The following AFF3 variants were observed in gnomAD, a reference collection of about 807,000 sequenced individuals.
The protein encoded by AFF3 is AF4/FMR2 family member 3.
A neutral mutation model predicts 129.7 loss-of-function variants in AFF3; 32 were observed. The ratio of observed to expected loss-of-function variants is 0.25; its 90% confidence interval spans 0.19 to 0.33. AFF3 has a LOEUF of 0.33. Ranked by LOEUF, AFF3 falls within the 10% of genes least tolerant of loss-of-function variation. The pLI, the probability that AFF3 is intolerant of heterozygous loss-of-function variation, is 1.00. For missense variants in AFF3, 1,373 were observed against 1,592.0 expected (o/e 0.86, Z 2.34); for synonymous variants, 644 against 635.4 (o/e 1.01, Z -0.20).
chr2:99,792,793 T>G (rs2105453929), intron 8 of AFF3, among the ~76,000 whole-genome samples: 1 of 152,344 alleles, frequency 6.6e-6, no homozygotes, highest in South Asian at 2.1e-4. Flanking sequence ...ACGTTAAACC[T>G]TCTTGGCATT....
chr2:99,901,944 C>T (rs150215609), intron 7 of AFF3, among the ~76,000 whole-genome samples: 9 of 151,610 alleles, frequency 5.9e-5, no homozygotes, highest in South Asian at 2.1e-4. Flanking sequence ...CACAACTCCA[C>T]GTTCCGGCCT....
Position 99,724,271 on chromosome 2 carries a change from C to CTTTTTTTTTT in AFF3, c.1091+2796_1091+2805dup, listed in dbSNP as rs58303232. Among the ~76,000 whole-genome samples the CTTTTTTTTTT allele has an allele frequency of 2.4e-3, 159 of 66,834 alleles. 30 individuals are homozygous for CTTTTTTTTTT. The highest frequency in any genetic ancestry group is 6.4e-3 in the African/African-American group (97 of 15,242). The allele number at this position is 66,834 out of a possible 152,430, so 43.8% of individuals were successfully genotyped here. A position where few individuals can be genotyped will look rare whatever the true frequency, so the allele number is the denominator to read the frequency against. On this transcript the variant is annotated intron_variant, in intron 11 of 24. Transcript: ENST00000672756. ...TCCTCACTTCAGTGGAATGACCTTTCTTTTTTTTTTTTTTTTTTTGAGACA... is the reference window on the plus strand; with the variant it reads ...TCCTCACTTCAGTGGAATGACCTTTCTTTTTTTTTTTTTTTTTTTTTTTTTTTTTGAGACA...
chr2:99,704,486 G>C (rs1677173698), intron 11 of AFF3, among the ~76,000 whole-genome samples: 1 of 152,124 alleles, frequency 6.6e-6, no homozygotes, highest in South Asian at 2.1e-4. Flanking sequence ...CAGGTGGCAA[G>C]GTGCAGGCTA....
chr2:99,652,315 G>A lies in AFF3; in HGVS notation c.1144-2649C>T, dbSNP rs142586345. ...CAAACCCTGGGTGTCTGGAATTGAT[G>A]AGGGTGTTTCTGTGCATTACATTCA... On this transcript the variant is annotated intron_variant, in intron 12 of 24. Transcript: ENST00000672756. Among the ~76,000 whole-genome samples, 89 of 152,280 alleles carry A rather than the reference G, an allele frequency of 5.8e-4. No homozygotes were observed. In the Middle Eastern group the frequency reaches 0.02, roughly 35 times the overall value.
At chr2:99,792,155 CTG>C (rs1187703286) in intron 8 of AFF3, among the ~76,000 whole-genome samples, 1 of 152,130 alleles carries the variant, frequency 6.6e-6, no homozygotes, top group East Asian at 1.9e-4. Flanking sequence ...CAGTATGACT[CTG>C]TAAAACATAA....
chr2:99,990,237 C>G (rs955525531), intron 7 of AFF3, among the ~76,000 whole-genome samples: 7 of 152,118 alleles, frequency 4.6e-5, no homozygotes, highest in Non-Finnish European at 8.8e-5. Flanking sequence ...ATTCAGTGAC[C>G]AGTATGAAGT....
chr2:100,055,087 T>C (rs1686654863), intron 4 of AFF3, among the ~76,000 whole-genome samples: 1 of 152,338 alleles, frequency 6.6e-6, no homozygotes, highest in East Asian at 1.9e-4. Flanking sequence ...TCACATACTG[T>C]TCGTTGGCTC....
chr2:99,881,399 A>C, intron 7 of AFF3, among the ~76,000 whole-genome samples: 1 of 119,828 alleles, frequency 8.3e-6, no homozygotes. Flanking sequence ...TTTGAAAAGC[A>C]TCTTTTCAAA....
chr2:100,119,784 C>T (rs987313172), intron 2 of AFF3, among the ~76,000 whole-genome samples: 4 of 152,188 alleles, frequency 2.6e-5, no homozygotes, highest in Admixed American at 2.0e-4. Context: ...CAGCCATTCC[C>T]GGAGTCTGTG....
At chr2:99,909,512 G>A (rs1231132769) in intron 7 of AFF3, among the ~76,000 whole-genome samples, 2 of 151,558 alleles carry the variant, frequency 1.3e-5, no homozygotes, top group African/African-American at 4.9e-5. Flanking sequence ...GCTAAATGAC[G>A]AGTTACTGGG....
intron 13 of AFF3, among the ~76,000 whole-genome samples, chr2:99,627,054 T>G (rs62154519): frequency 0.036 from 5,447 of 152,278 alleles, 121 homozygotes; most frequent in Non-Finnish European, 0.044. Context: ...TATGCATACA[T>G]GTGTCTTATA....
intron 4 of AFF3, among the ~76,000 whole-genome samples, chr2:100,066,567 C>G (rs756099784): frequency 6.6e-6 from 1 of 152,128 alleles, no homozygotes; most frequent in Non-Finnish European, 1.5e-5. Context: ...CATACAGCTA[C>G]TAGATGTCAA....
chr2:99,659,310 G>T (rs906941580), intron 12 of AFF3, among the ~76,000 whole-genome samples: 9 of 152,230 alleles, frequency 5.9e-5, no homozygotes, highest in Non-Finnish European at 1.2e-4. Flanking sequence ...ATGCATACAT[G>T]TGCCTGTCTA....
chr2:100,034,603 T>C lies in AFF3; in HGVS notation c.54-25671A>G, dbSNP rs183336595. Among the ~76,000 whole-genome samples the C allele has an allele frequency of 4.6e-5, 7 of 152,204 alleles. No individual in the cohort carries two copies. In the East Asian group the frequency reaches 1.4e-3, roughly 29 times the overall value. On this transcript the variant is annotated intron_variant, in intron 4 of 24. Transcript: ENST00000672756. ...TAATGCTGGCACATTTATATCAGAA[T>C]ATCAATGAAGAAAACATTTCTCTTT...
At chr2:99,713,374 T>A (rs1387140530) in intron 11 of AFF3, among the ~76,000 whole-genome samples, 1 of 151,684 alleles carries the variant, frequency 6.6e-6, no homozygotes, top group East Asian at 2.0e-4. Flanking sequence ...GTTCAAGCGA[T>A]TCTCCTGCCT....
intron 7 of AFF3, among the ~76,000 whole-genome samples, chr2:99,862,745 G>A (rs559495034): frequency 3.5e-4 from 54 of 152,340 alleles, no homozygotes; most frequent in African/African-American, 1.1e-3. Context: ...AAGTCATCAC[G>A]AAGTGGACCG....
chr2:100,021,038 C>G (rs1308582689), intron 4 of AFF3, among the ~76,000 whole-genome samples: 1 of 152,164 alleles, frequency 6.6e-6, no homozygotes, highest in Non-Finnish European at 1.5e-5. Context: ...GTGCCTTGAA[C>G]ACCTCTGCTG....
intron 7 of AFF3, among the ~76,000 whole-genome samples, chr2:99,983,213 C>T (rs1474585578): frequency 5.3e-5 from 8 of 152,188 alleles, no homozygotes; most frequent in Non-Finnish European, 8.8e-5. Context: ...AGGATGGTCT[C>T]GTCAAGTCAT....
chr2:100,051,068 G>C (rs1443193986), intron 4 of AFF3, among the ~76,000 whole-genome samples: 3 of 152,160 alleles, frequency 2.0e-5, no homozygotes, highest in Non-Finnish European at 4.4e-5. Flanking sequence ...GAAATGCTGG[G>C]GAAGTTATTT....
Sources: gnomAD v4.1 joint callset for allele counts (sites outside exome capture counted in the v4.1 genomes callset) on GRCh38, gnomAD v4.1.1 for gene constraint, MANE v1.5 for transcripts, NCBI Gene and HGNC (gene_info 2026-07-23, HGNC 2026-07-21) for gene names.